Variants in RALA observed in about 807,000 individuals in gnomAD.
RALA encodes the protein RAS like proto-oncogene A, also known as ras-related protein Ral-A.
RALA carries 5 observed loss-of-function variants against 24.0 expected under a neutral mutation model. The ratio of observed to expected loss-of-function variants is 0.21; its 90% CI spans 0.11 to 0.44. RALA has a LOEUF of 0.44. RALA is among the 20% of genes least tolerant of loss of function. RALA has a pLI of 0.99. For missense variants in RALA, 95 were observed against 241.2 expected, an observed-to-expected ratio of 0.39 and a Z score of 4.01; for synonymous variants, 77 against 83.8, an observed-to-expected ratio of 0.92 and a Z score of 0.44.
At position 39,696,697 on chromosome 7, in the gene RALA, A is replaced by T. The variant is rs1792928208; in HGVS notation, c.336A>T (p.Leu112Phe). Residue 112 changes from leucine (L) to phenylalanine (F), a missense_variant, in exon 4 of 5, where the codon TTA becomes TTT. By Grantham distance (22) the Leu-to-Phe change is conservative. Transcript: ENST00000005257. Reference protein sequence around the residue: ...AATADFREQILRVKEDENVPF... With the variant: ...AATADFREQIFRVKEDENVPF... ...TTCTCTTATCCAGGGAGCAGATTTT[A>T]AGAGTAAAAGAAGATGAGAATGTTC... 1 of 1,598,874 alleles carries T rather than the reference A, an allele frequency of 6.3e-7. No homozygotes were observed. The highest frequency in any genetic ancestry group is 1.4e-5 in the African/African-American group (1 of 74,050).
chr7:39,698,209 G>A (rs6462941), intron 4 of RALA, among the ~76,000 whole-genome samples: 5,266 of 152,060 alleles, frequency 0.035, 319 homozygotes, highest in African/African-American at 0.12. Context: ...CCCTAGTGAC[G>A]TAATTACGAC....
intron 1 of RALA, among the ~76,000 whole-genome samples, chr7:39,659,803 T>G (rs1244704729): frequency 1.3e-5 from 2 of 152,232 alleles, no homozygotes; most frequent in African/African-American, 4.8e-5. Context: ...TATCTCTCAC[T>G]AGCGTGTTCT....
At chr7:39,671,894 G>T (rs1288036802) in intron 1 of RALA, among the ~76,000 whole-genome samples, 2 of 152,104 alleles carry the variant, frequency 1.3e-5, no homozygotes, top group Admixed American at 1.3e-4. Context: ...TGTTCCTACC[G>T]AGCTTGATGG....
At chr7:39,624,540 G>C (rs1418881043) in intron 1 of RALA, 1 of 152,224 alleles carries the variant, frequency 6.6e-6, no homozygotes, top group East Asian at 1.9e-4. Context: ...GCATGCTTTA[G>C]CCTGGATATA....
chr7:39,680,747 C>T (rs899434547), intron 1 of RALA, among the ~76,000 whole-genome samples: 1 of 152,050 alleles, frequency 6.6e-6, no homozygotes, highest in South Asian at 2.1e-4. Context: ...TGTCCAAACA[C>T]TACCTGTTGA....
rs143997407 is a variant in RALA at position 39,661,552 on chromosome 7, C to T, written c.-37-25079C>T. Among the ~76,000 whole-genome samples, 30 of 152,318 alleles carry T rather than the reference C, an allele frequency of 2.0e-4. 1 individual carries two copies. In the East Asian group the frequency reaches 5.6e-3, roughly 28 times the overall value. ...GGCCCTATGCAAGTCCAAAATCCAG[C>T]AGGGTGGTCAAATCCAAAATGATCT... On this transcript the variant is annotated intron_variant, in intron 1 of 4. Coordinates refer to ENST00000005257, the MANE Select transcript of RALA (RefSeq NM_005402.4).
chr7:39,685,126 G>T (rs1156235313), intron 1 of RALA, among the ~76,000 whole-genome samples: 1 of 152,210 alleles, frequency 6.6e-6, no homozygotes, highest in Non-Finnish European at 1.5e-5. Context: ...TTGTGATAAG[G>T]ATTATGAAGG....
At chr7:39,658,743 GT>G (rs1372229502) in intron 1 of RALA, among the ~76,000 whole-genome samples, 2 of 151,708 alleles carry the variant, frequency 1.3e-5, no homozygotes, top group African/African-American at 4.8e-5. Flanking sequence ...GCTATTTTTA[GT>G]TTTTTTATTT....
At chr7:39,660,357 T>C (rs1467508099) in intron 1 of RALA, among the ~76,000 whole-genome samples, 1 of 151,060 alleles carries the variant, frequency 6.6e-6, no homozygotes, top group African/African-American at 2.4e-5. Context: ...AAAAAAAAAA[T>C]TGTAAAATGA....
At chr7:39,662,275 G>A (rs1056556816) in intron 1 of RALA, among the ~76,000 whole-genome samples, 4 of 152,016 alleles carry the variant, frequency 2.6e-5, no homozygotes, top group Non-Finnish European at 5.9e-5. Flanking sequence ...ATTGGGCTCC[G>A]GAGACATTTT....
At chr7:39,692,495 C>T (rs968975716) in intron 3 of RALA, among the ~76,000 whole-genome samples, 1 of 152,108 alleles carries the variant, frequency 6.6e-6, no homozygotes, top group South Asian at 2.1e-4. Flanking sequence ...TCTGTAATAG[C>T]CTCTAAAACT....
intron 1 of RALA, among the ~76,000 whole-genome samples, chr7:39,626,613 C>T (rs1217048784): frequency 2.0e-5 from 3 of 152,204 alleles, no homozygotes; most frequent in Non-Finnish European, 4.4e-5. Context: ...AGTGTTATCA[C>T]CGTCCATGTG....
chr7:39,706,082 G>A (rs1379734247), intron 4 of RALA, 41 bp from the exon 5 acceptor site: 11 of 1,538,556 alleles, frequency 7.1e-6, no homozygotes, highest in Admixed American at 1.9e-5. Flanking sequence ...CCAAGTTCAT[G>A]TATCTGTTTG....
At chr7:39,699,539 T>C (rs1792986248) in intron 4 of RALA, among the ~76,000 whole-genome samples, 1 of 152,242 alleles carries the variant, frequency 6.6e-6, no homozygotes, top group Admixed American at 6.5e-5. Context: ...AGACTGGAAA[T>C]ATCCAAGTGT....
chr7:39,683,923 G>A (rs564762396), intron 1 of RALA, among the ~76,000 whole-genome samples: 14 of 152,000 alleles, frequency 9.2e-5, no homozygotes, highest in African/African-American at 3.1e-4. Flanking sequence ...CATGTGATAT[G>A]TACTGTTTTA....
At chr7:39,645,130 T>C (rs907974243) in intron 1 of RALA, among the ~76,000 whole-genome samples, 1 of 152,230 alleles carries the variant, frequency 6.6e-6, no homozygotes, top group Admixed American at 6.5e-5. Flanking sequence ...GAGACTATAA[T>C]TGTAACATCA....
At chr7:39,697,335 T>C in intron 4 of RALA, 2 of 456,574 alleles carry the variant, frequency 4.4e-6, no homozygotes, top group Non-Finnish European at 8.8e-6. Flanking sequence ...CCTCAACCTT[T>C]GTTTTCTCCT....
intron 4 of RALA, among the ~76,000 whole-genome samples, chr7:39,704,135 C>T (rs1015100595): frequency 1.4e-5 from 2 of 144,506 alleles, no homozygotes; most frequent in African/African-American, 5.2e-5. Context: ...CATCCCACTC[C>T]AGCCTGGGCA....
chr7:39,669,932 G>A (rs1792352200), intron 1 of RALA, among the ~76,000 whole-genome samples: 1 of 151,876 alleles, frequency 6.6e-6, no homozygotes, highest in African/African-American at 2.4e-5. Flanking sequence ...ATTCAGGCAT[G>A]GTTAATTCAG....
Sources: allele counts gnomAD v4.1 joint callset (sites outside exome capture counted in the v4.1 genomes callset), GRCh38; gene constraint gnomAD v4.1.1; transcripts MANE v1.5; gene names NCBI Gene and HGNC (gene_info 2026-07-23, HGNC 2026-07-21).